YWHAQ: variants seen among roughly 807,000 people sequenced by gnomAD.
The protein encoded by YWHAQ is tyrosine 3-monooxygenase/tryptophan 5-monooxygenase activation protein theta.
A neutral mutation model predicts 28.3 loss-of-function variants in YWHAQ; 6 were observed. That is an observed-to-expected ratio of 0.21 (90% confidence interval 0.12 to 0.42). YWHAQ has a LOEUF of 0.42. Ranked by LOEUF, YWHAQ falls within the 10% of genes least tolerant of loss-of-function variation. YWHAQ has a pLI of 1.00. For missense variants in YWHAQ, 201 were observed against 305.6 expected (o/e 0.66, Z 2.55); for synonymous variants, 143 against 119.1 (o/e 1.20, Z -1.31).
intron 5 of YWHAQ, among the ~76,000 whole-genome samples, chr2:9,586,700 A>T (rs1027364802): frequency 3.9e-5 from 6 of 152,170 alleles, no homozygotes; most frequent in Admixed American, 3.3e-4. Flanking sequence ...GCTAATATTT[A>T]AAAAATCCTA....
At position 9,597,647 on chromosome 2, in the gene YWHAQ, A is replaced by AAAAAAAGAAAAAG. The variant is rs1553372959; in HGVS notation, c.295-6145_295-6133dup. On this transcript the variant is annotated intron_variant, in intron 2 of 5. Transcript: ENST00000238081. Reference sequence around the variant, plus strand: ...GAAACTCCGTCTCAAAAAAAAAAAAAAAAAAAGAAAAAGAAAAAAAAATTG... The same window carrying AAAAAAAGAAAAAG: ...GAAACTCCGTCTCAAAAAAAAAAAAAAAAAAAGAAAAAGAAAAAAGAAAAAGAAAAAAAAATTG... Among the ~76,000 whole-genome samples the AAAAAAAGAAAAAG allele has an allele frequency of 2.6e-4, 39 of 151,428 alleles. No individual in the cohort carries two copies. The East Asian group carries it at 6.8e-3, about 26-fold the overall frequency.
At chr2:9,613,285 T>C (rs1312140845) in intron 2 of YWHAQ, among the ~76,000 whole-genome samples, 1 of 152,190 alleles carries the variant, frequency 6.6e-6, no homozygotes, top group Non-Finnish European at 1.5e-5. Context: ...TTTCAAACTT[T>C]TGAGATTTAA....
Position 9,620,016 on chromosome 2 carries a change from TA to T in YWHAQ, c.294+10142del, listed in dbSNP as rs201389646. ...AACAGCAGTAAGAGTTATTCAGGAA[TA>T]AAATGTCTAATCTGATGATCCATAT... is the stretch of plus-strand genomic sequence containing the variant. On this transcript the variant is annotated intron_variant, in intron 2 of 5. Coordinates refer to ENST00000238081, the MANE Select transcript of YWHAQ (RefSeq NM_006826.4). Among the ~76,000 whole-genome samples the T allele has an allele frequency of 4.5e-3, 679 of 152,350 alleles. 7 individuals are homozygous for T. Among genetic ancestry groups the T allele is most frequent in the African/African-American group, 0.016 (648 of 41,586 alleles).
intron 2 of YWHAQ, among the ~76,000 whole-genome samples, chr2:9,594,730 G>C (rs10495572): frequency 0.15 from 22,653 of 152,206 alleles, 2,082 homozygotes; most frequent in Middle Eastern, 0.24. Context: ...GTACCTTTAA[G>C]ACCTAGTGCT....
At chr2:9,629,368 G>A (rs914256744) in intron 2 of YWHAQ, among the ~76,000 whole-genome samples, 2 of 152,168 alleles carry the variant, frequency 1.3e-5, no homozygotes, top group African/African-American at 4.8e-5. Flanking sequence ...GAATGACAAA[G>A]CTAAAAATGT....
In YWHAQ at chr2:9,630,038, A is replaced by G; in HGVS notation, c.294+121T>C. 7.5e-7 allele frequency: 1 copy of G among 1,337,602 alleles called. No individual in the cohort carries two copies. The highest frequency in any genetic ancestry group is 1.0e-6 in the Non-Finnish European group (1 of 980,260). The allele number at this position is 1,337,602 out of a possible 1,614,324, so 82.9% of individuals were successfully genotyped here. ...GTAGGGAAGTCAGGGCTCACCTAAA[A>G]CCCTCCACCCCAGCAGACAGTCCGG... On this transcript the variant is annotated intron_variant, in intron 2 of 5. Transcript: ENST00000238081. The surrounding 1 kb of genome is among the most constrained non-coding windows in gnomAD (Gnocchi z 5.6).
chr2:9,587,332 C>T (rs1187010483), intron 5 of YWHAQ, 82 bp downstream of exon 5: 1 of 1,294,852 alleles, frequency 7.7e-7, no homozygotes, highest in East Asian at 2.5e-5. Flanking sequence ...TGTATCTTCC[C>T]TAAAAGACAC....
intron 2 of YWHAQ, among the ~76,000 whole-genome samples, chr2:9,613,746 A>C (rs950793876): frequency 2.0e-5 from 3 of 152,254 alleles, no homozygotes; most frequent in Non-Finnish European, 4.4e-5. Context: ...GGTGTCTTAC[A>C]GGGAAAGGGA....
intron 2 of YWHAQ, among the ~76,000 whole-genome samples, chr2:9,607,171 C>T (rs1049971682): frequency 5.3e-5 from 8 of 149,988 alleles, no homozygotes; most frequent in African/African-American, 9.8e-5. Context: ...GTGAGCCACA[C>T]GCCTGGCCTA....
At chr2:9,606,731 T>G (rs918935702) in intron 2 of YWHAQ, among the ~76,000 whole-genome samples, 2 of 152,176 alleles carry the variant, frequency 1.3e-5, no homozygotes, top group Non-Finnish European at 2.9e-5. Context: ...GGTTTCACCA[T>G]GTTGGTGAGT....
intron 2 of YWHAQ, among the ~76,000 whole-genome samples, chr2:9,604,493 T>C (rs750755289): frequency 6.6e-6 from 1 of 152,186 alleles, no homozygotes; most frequent in Non-Finnish European, 1.5e-5. Flanking sequence ...CTCAGTTTCA[T>C]CTCCTCTTCT....
intron 4 of YWHAQ, 109 bp from the exon 5 acceptor site, chr2:9,587,618 C>A: frequency 1.1e-6 from 1 of 905,700 alleles, no homozygotes; most frequent in Non-Finnish European, 1.6e-6. Context: ...TTATGTTCTA[C>A]CATCAACAAA....
chr2:9,603,174 A>G (rs1447281023), intron 2 of YWHAQ, among the ~76,000 whole-genome samples: 2 of 151,900 alleles, frequency 1.3e-5, no homozygotes, highest in African/African-American at 2.4e-5. Context: ...CAACAACAAC[A>G]AACAACCTTC....
At chr2:9,589,358 C>G (rs1032167318) in intron 3 of YWHAQ, among the ~76,000 whole-genome samples, 1 of 152,086 alleles carries the variant, frequency 6.6e-6, no homozygotes, top group African/African-American at 2.4e-5. Flanking sequence ...CTGAGGCAGG[C>G]AGATCACCTG....
intron 2 of YWHAQ, among the ~76,000 whole-genome samples, chr2:9,615,641 C>T (rs1667026802): frequency 6.6e-6 from 1 of 151,930 alleles, no homozygotes; most frequent in South Asian, 2.1e-4. Context: ...TGAGCAATAC[C>T]AGTATATATT....
intron 2 of YWHAQ, among the ~76,000 whole-genome samples, chr2:9,621,250 T>C (rs1294961991): frequency 6.6e-6 from 1 of 152,184 alleles, no homozygotes; most frequent in African/African-American, 2.4e-5. Flanking sequence ...TTACACAGCA[T>C]CTGGTAACTC....
intron 2 of YWHAQ, among the ~76,000 whole-genome samples, chr2:9,622,304 A>C (rs1307193525): frequency 6.6e-6 from 1 of 152,178 alleles, no homozygotes; most frequent in African/African-American, 2.4e-5. Context: ...GTTTGTTCTA[A>C]AATTTCATAT....
chr2:9,590,093 G>C (rs1457627957), intron 3 of YWHAQ, among the ~76,000 whole-genome samples: 1 of 152,218 alleles, frequency 6.6e-6, no homozygotes, highest in Non-Finnish European at 1.5e-5. Flanking sequence ...TATAAAGACA[G>C]CCTATCTATG....
chr2:9,602,984 A>G (rs1666746635), intron 2 of YWHAQ, among the ~76,000 whole-genome samples: 1 of 145,040 alleles, frequency 6.9e-6, no homozygotes, highest in Non-Finnish European at 1.5e-5. Context: ...CGGCCTCCCC[A>G]AGTGTTGAAC....
Sources: allele counts gnomAD v4.1 joint callset (sites outside exome capture counted in the v4.1 genomes callset), GRCh38; gene constraint gnomAD v4.1.1; non-coding constraint Gnocchi (gnomAD v3.1); transcripts MANE v1.5; gene names NCBI Gene and HGNC (gene_info 2026-07-23, HGNC 2026-07-21).